Variants in RELN observed in about 807,000 individuals in gnomAD.
RELN encodes reelin.
Under a neutral mutation model 427.6 loss-of-function variants are expected in RELN, and 108 were observed. The observed-to-expected ratio is 0.25, with a 90% CI of 0.22 to 0.30. The LOEUF is 0.30. Ranked by LOEUF, RELN falls within the 10% of genes least tolerant of loss-of-function variation. The probability of loss-of-function intolerance (pLI) is 1.00; values close to 1 mark genes in which losing one functional copy is unlikely to be tolerated. For missense variants in RELN, 3,715 were observed against 4,302.8 expected, an observed-to-expected ratio of 0.86 and a Z score of 3.82; for synonymous variants, 1,524 against 1,513.4, an observed-to-expected ratio of 1.01 and a Z score of -0.16.
chr7:103,726,711 C>T (rs1790220240), intron 7 of RELN, among the ~76,000 whole-genome samples: 2 of 151,930 alleles, frequency 1.3e-5, no homozygotes, highest in African/African-American at 4.8e-5. Context: ...AATGAGACAC[C>T]TTCTAAAACA....
chr7:103,800,241 T>C (rs1014533956), intron 3 of RELN, among the ~76,000 whole-genome samples: 22 of 152,142 alleles, frequency 1.4e-4, no homozygotes, highest in Admixed American at 1.4e-3. Flanking sequence ...GAAAACCCCA[T>C]CGTCTCAGCC....
intron 11 of RELN, among the ~76,000 whole-genome samples, chr7:103,666,209 C>A (rs1196770401): frequency 6.6e-6 from 1 of 151,924 alleles, no homozygotes; most frequent in Non-Finnish European, 1.5e-5. Context: ...GCTGAGACTA[C>A]AAGGAGGCAC....
At chr7:103,702,452 A>C (rs1271074632) in intron 8 of RELN, among the ~76,000 whole-genome samples, 1 of 152,256 alleles carries the variant, frequency 6.6e-6, no homozygotes, top group African/African-American at 2.4e-5. Context: ...AACCAAAAAT[A>C]TTCCTTACAG....
intron 2 of RELN, among the ~76,000 whole-genome samples, chr7:103,911,656 A>G (rs1795369007): frequency 6.7e-6 from 1 of 149,286 alleles, no homozygotes; most frequent in East Asian, 2.0e-4. Flanking sequence ...CATATACACC[A>G]TGGAATACTA....
chr7:103,934,416 C>A (rs1301776259), intron 1 of RELN, among the ~76,000 whole-genome samples: 1 of 152,142 alleles, frequency 6.6e-6, no homozygotes, highest in Non-Finnish European at 1.5e-5. Flanking sequence ...TAAGCCATAG[C>A]CAGAAACCCA....
At position 103,935,741 on chromosome 7, in the gene RELN, A is replaced by T. The variant is rs987994115; in HGVS notation, c.227-18556T>A. 3.3e-5 allele frequency among the ~76,000 whole-genome samples: 5 copies of T among 152,200 alleles called. No homozygotes were observed. The East Asian group carries it at 9.6e-4, about 29-fold the overall frequency. ...AAACCTGAATACATAATTATGTAAC[A>T]TACTTATTGAGTACCTACTGTGTGT... On this transcript the variant is annotated intron_variant, in intron 1 of 64. Coordinates refer to ENST00000428762, the MANE Select transcript of RELN (RefSeq NM_005045.4).
chr7:103,473,112 G>C, intron 64 of RELN: 1 of 680,230 alleles, frequency 1.5e-6, no homozygotes, highest in Non-Finnish European at 2.8e-6. Flanking sequence ...CTTTGGCCTT[G>C]AAGAAATCCC....
chr7:103,543,368 G>T (rs180934421), intron 42 of RELN, among the ~76,000 whole-genome samples: 41 of 152,310 alleles, frequency 2.7e-4, no homozygotes, highest in Non-Finnish European at 5.1e-4. Context: ...CTTTAAGGCT[G>T]GGTGCGGTGG....
chr7:103,671,310 T>TC (rs1443545813), intron 11 of RELN, among the ~76,000 whole-genome samples: 1 of 152,150 alleles, frequency 6.6e-6, no homozygotes, highest in Non-Finnish European at 1.5e-5. Flanking sequence ...CAAAGATTCT[T>TC]CTCTTCAATT....
At chr7:103,741,958 A>G (rs1790673606) in intron 6 of RELN, among the ~76,000 whole-genome samples, 1 of 152,140 alleles carries the variant, frequency 6.6e-6, no homozygotes, top group Non-Finnish European at 1.5e-5. Flanking sequence ...GAGAACGGGC[A>G]GACTGACTCC....
Position 103,490,714 on chromosome 7 carries a change from T to A in RELN, c.9559A>T (p.Ser3187Cys), listed in dbSNP as rs1461244151. Residue 3187 changes from serine to cysteine, a missense_variant, in exon 59 of 65, where the codon AGC becomes TGC. Coordinates refer to ENST00000428762, the MANE Select transcript of RELN (RefSeq NM_005045.4). Reference protein sequence around the residue: ...ATIYNSVNSSSWKRITIQLPD... With the variant: ...ATIYNSVNSSCWKRITIQLPD... Reference sequence around the variant, plus strand: ...AGCTGGATGGTGATTCTTTTCCAGCTTGAGCTGTTGACAGAGTTGTAGATG... The same window carrying A: ...AGCTGGATGGTGATTCTTTTCCAGCATGAGCTGTTGACAGAGTTGTAGATG... 2 of 1,614,192 alleles carry A rather than the reference T, an allele frequency of 1.2e-6. No individual in the cohort carries two copies. Among genetic ancestry groups the A allele is most frequent in the East Asian group, 4.5e-5 (2 of 44,868 alleles).
At position 103,473,051 on chromosome 7, in the gene RELN, C is replaced by T. The variant is rs775342083; in HGVS notation, c.10287-143G>A. 37 of 769,254 alleles carry T rather than the reference C, an allele frequency of 4.8e-5. No homozygotes were observed. The Middle Eastern group carries it at 2.1e-3, about 43-fold the overall frequency. 47.7% of individuals were successfully genotyped at this position (769,254 alleles called of 1,614,324 possible). ...TTTCAGGGTTAATAGGTCATGCTCA[C>T]ATTACCACCCAGGGTCAGAGGAACT... On this transcript the variant is annotated intron_variant, in intron 64 of 64. Coordinates refer to ENST00000428762, the MANE Select transcript of RELN (RefSeq NM_005045.4).
At chr7:103,646,660 C>T (rs1001043579) in intron 16 of RELN, among the ~76,000 whole-genome samples, 4 of 151,654 alleles carry the variant, frequency 2.6e-5, no homozygotes, top group African/African-American at 4.8e-5. Flanking sequence ...GCTCTCAGGA[C>T]GAGACTAATT....
intron 1 of RELN, among the ~76,000 whole-genome samples, chr7:103,938,791 A>C (rs1376621852): frequency 6.6e-6 from 1 of 152,214 alleles, no homozygotes; most frequent in Non-Finnish European, 1.5e-5. Flanking sequence ...TGTCACCTGG[A>C]TCTATCTAGA....
chr7:103,527,859 A>G (rs1200902673), intron 46 of RELN, among the ~76,000 whole-genome samples: 1 of 152,244 alleles, frequency 6.6e-6, no homozygotes, highest in Admixed American at 6.5e-5. Context: ...GGAAATGTCA[A>G]TGAGAACCAC....
At chr7:103,882,750 G>A (rs1196123675) in intron 2 of RELN, among the ~76,000 whole-genome samples, 1 of 152,136 alleles carries the variant, frequency 6.6e-6, no homozygotes, top group Non-Finnish European at 1.5e-5. Context: ...GGGAGAAGTT[G>A]AATCCCTGAA....
In RELN at chr7:103,491,856, TCACA is replaced by T. The variant is rs71110838; in HGVS notation, c.9443+93_9443+96del. 2.5e-3 allele frequency: 705 copies of T among 287,494 alleles called. 2 individuals are homozygous for T. Among genetic ancestry groups the T allele is most frequent in the Middle Eastern group, 1.0e-2 (9 of 904 alleles). 17.8% of individuals were successfully genotyped at this position (287,494 alleles called of 1,614,324 possible). A position where few individuals can be genotyped will look rare whatever the true frequency, so the allele number is the denominator to read the frequency against. On this transcript the variant is annotated intron_variant, in intron 58 of 64. Coordinates refer to ENST00000428762, the MANE Select transcript of RELN (RefSeq NM_005045.4). Reference sequence around the variant, plus strand: ...CTCTCTCTCTCTCTCTCTCTCTCTCTCACACACACACACACACACACACACACAC... The same window carrying T: ...CTCTCTCTCTCTCTCTCTCTCTCTCTCACACACACACACACACACACACAC...
chr7:103,683,879 A>C (rs1833705972), intron 10 of RELN, among the ~76,000 whole-genome samples: 1 of 152,138 alleles, frequency 6.6e-6, no homozygotes, highest in Non-Finnish European at 1.5e-5. Flanking sequence ...GTCACTCTCT[A>C]GGGAGCAAGG....
chr7:103,862,619 C>T (rs540275550), intron 2 of RELN, among the ~76,000 whole-genome samples: 8 of 152,088 alleles, frequency 5.3e-5, no homozygotes, highest in African/African-American at 9.6e-5. Context: ...GGTTCCCACT[C>T]GTATCTCCAG....
Sources: allele counts gnomAD v4.1 joint callset (sites outside exome capture counted in the v4.1 genomes callset), GRCh38; gene constraint gnomAD v4.1.1; transcripts MANE v1.5; gene names NCBI Gene and HGNC (gene_info 2026-07-23, HGNC 2026-07-21).